The following OR9Q2 variants were observed in gnomAD, a reference collection of about 807,000 sequenced individuals.
The protein encoded by OR9Q2 is olfactory receptor family 9 subfamily Q member 2, also known as olfactory receptor 9Q2.
Under a neutral mutation model 2.3 loss-of-function variants are expected in OR9Q2, and 2 were observed. The observed-to-expected ratio is 0.85, with a 90% CI of 0.35 to 2.68. The LOEUF is 2.68. Among genes scored for constraint, OR9Q2 ranks in the 30% most tolerant of loss-of-function variants. OR9Q2 has a pLI of 0.10. For synonymous variants in OR9Q2, 178 were observed against 158.6 expected, an observed-to-expected ratio of 1.12 and a Z score of -0.92; for missense variants, 404 against 395.7, an observed-to-expected ratio of 1.02 and a Z score of -0.18.
chr11:58,191,136 G>A lies in OR9Q2; in HGVS notation c.646G>A (p.Val216Ile). ...VMPACILVIL[V>I]SYLFIIVAIL... ...GCCTGCCTGTATCTTGGTGATCTTG[G>A]TATCCTACCTGTTTATCATTGTGGC... The change falls in exon 2 of 2, where the codon GTA becomes ATA. Residue 216 changes from valine (V) to isoleucine (I), a missense_variant. Physicochemically the swap from Val to Ile is conservative, Grantham distance 29 (BLOSUM62 3). Transcript: ENST00000641291. The A allele has an allele frequency of 6.2e-7, 1 of 1,614,088 alleles. No individual in the cohort carries two copies. The highest frequency in any genetic ancestry group is 8.5e-7 in the Non-Finnish European group (1 of 1,180,020).
rs765115630 is a variant in OR9Q2, at chr11:58,190,442, C to A, written c.-49C>A. ...ATCATTTGAACTCCTCTTGAGCTGTCCCCTCATCTGGCTCTTGTCTTAGCC... is the reference window on the plus strand; with the variant it reads ...ATCATTTGAACTCCTCTTGAGCTGTACCCTCATCTGGCTCTTGTCTTAGCC... On this transcript the variant is annotated 5_prime_UTR_variant, in exon 2 of 2. Coordinates refer to ENST00000641291, the MANE Select transcript of OR9Q2 (RefSeq NM_001005283.3). 5.5e-6 allele frequency: 7 copies of A among 1,277,046 alleles called. No homozygotes were observed. The highest frequency in any genetic ancestry group is 3.5e-5 in the Admixed American group (2 of 57,030). 79.1% of individuals were successfully genotyped at this position (1,277,046 alleles called of 1,614,324 possible).
In OR9Q2 at chr11:58,192,492, G is replaced by T. The variant is rs145681185; in HGVS notation, c.*1057G>T. On this transcript the variant is annotated 3_prime_UTR_variant, in exon 2 of 2. Transcript: ENST00000641291. ...TTTATCTGGTGAAGAAAAGGTAAAAGTCCAATCTGTTGGTGTAGATGGCAG... is the reference window on the plus strand; with the variant it reads ...TTTATCTGGTGAAGAAAAGGTAAAATTCCAATCTGTTGGTGTAGATGGCAG... 1.3e-5 allele frequency: 2 copies of T among 152,254 alleles called. No homozygotes were observed. Among genetic ancestry groups the T allele is most frequent in the Non-Finnish European group, 2.9e-5 (2 of 68,006 alleles). 9.4% of individuals were successfully genotyped at this position (152,254 alleles called of 1,614,324 possible).
intron 1 of OR9Q2, 132 bp downstream of exon 1, chr11:58,189,240 G>A (rs1854735651): frequency 6.6e-6 from 1 of 152,198 alleles, no homozygotes; most frequent in Admixed American, 6.5e-5. Context: ...CATCTCATCA[G>A]GTTGCTATGA....
rs578125768 is a variant in OR9Q2, at chr11:58,190,278, C to G, written c.-172-41C>G. ...AGGAATCACTTGCTCTCTGTTCTTT[C>G]TATAATAGAAGCATTCATCACTTTT... On this transcript the variant is annotated intron_variant, in intron 1 of 1. Transcript: ENST00000641291. 78 of 535,336 alleles carry G rather than the reference C, an allele frequency of 1.5e-4. 1 individual carries two copies. In the East Asian group the frequency reaches 2.0e-3, roughly 14 times the overall value. 33.2% of individuals were successfully genotyped at this position (535,336 alleles called of 1,614,324 possible).
At position 58,193,602 on chromosome 11, in the gene OR9Q2, G is replaced by A. The variant is rs1269527357; in HGVS notation, c.*2167G>A. ...AAGTACATACTCTTATCTGATAACT[G>A]CCCTTCTGCACTCTTTCTTCTCCTT... is the stretch of plus-strand genomic sequence containing the variant. On this transcript the variant is annotated 3_prime_UTR_variant, in exon 2 of 2. Coordinates refer to ENST00000641291, the MANE Select transcript of OR9Q2 (RefSeq NM_001005283.3). 6.6e-6 allele frequency: 1 copy of A among 152,152 alleles called. No individual in the cohort carries two copies. The allele number at this position is 152,152 out of a possible 1,614,324, so 9.4% of individuals were successfully genotyped here. A position where few individuals can be genotyped will look rare whatever the true frequency, so the allele number is the denominator to read the frequency against.
At position 58,191,664 on chromosome 11, in the gene OR9Q2, A is replaced by T. The variant is rs1854766385; in HGVS notation, c.*229A>T. 2.6e-6 allele frequency: 1 copy of T among 386,900 alleles called. No homozygotes were observed. The highest frequency in any genetic ancestry group is 2.0e-5 in the African/African-American group (1 of 49,750). 24.0% of individuals were successfully genotyped at this position (386,900 alleles called of 1,614,324 possible). A position where few individuals can be genotyped will look rare whatever the true frequency, so the allele number is the denominator to read the frequency against. ...TGCTCACAACTAGAAAGTAAGCAAC[A>T]TGAGAGCAAATACTTTTTTATCTGA... On this transcript the variant is annotated 3_prime_UTR_variant, in exon 2 of 2. Coordinates refer to ENST00000641291, the MANE Select transcript of OR9Q2 (RefSeq NM_001005283.3).
Position 58,192,715 on chromosome 11 carries a change from G to T in OR9Q2, c.*1280G>T, listed in dbSNP as rs1441676421. 6.6e-6 allele frequency: 1 copy of T among 152,090 alleles called. No individual in the cohort carries two copies. The highest frequency in any genetic ancestry group is 1.5e-5 in the Non-Finnish European group (1 of 68,018). The allele number at this position is 152,090 out of a possible 1,614,324, so 9.4% of individuals were successfully genotyped here. A position where few individuals can be genotyped will look rare whatever the true frequency, so the allele number is the denominator to read the frequency against. ...AGATGGCTGGGCATATTTAGGAAAA[G>T]GTATAGGGAAAAAATGAACACCTAT... On this transcript the variant is annotated 3_prime_UTR_variant, in exon 2 of 2. Transcript: ENST00000641291.
chr11:58,190,931 G>T lies in OR9Q2; in HGVS notation c.441G>T (p.Gly147=). The T allele has an allele frequency of 6.2e-7, 1 of 1,614,182 alleles. No individual in the cohort carries two copies. Among genetic ancestry groups the T allele is most frequent in the Non-Finnish European group, 8.5e-7 (1 of 1,180,032 alleles). Residue 147 remains glycine (G), a synonymous_variant, in exon 2 of 2, where the codon GGG becomes GGT. Transcript: ENST00000641291. The stretch of plus-strand genomic sequence containing the variant: ...AGGCCCGCTGGGGCCTAGTCACTGG[G>T]GCTTACGTTGCTGGTTTTTTCAGTG... ...TEKARWGLVT[G]AYVAGFFSAF...
In OR9Q2 at chr11:58,190,768, C is replaced by G. The variant is rs1429475579; in HGVS notation, c.278C>G (p.Ser93Cys). ...CTGTGGGAGCACGGCACAACCATCT[C>G]CCAGGCTCGCTGTGCAGCTCAGTTC... ...AVLWEHGTTI[S>C]QARCAAQFFL... Residue 93 changes from serine (S) to cysteine (C), a missense_variant, in exon 2 of 2, where the codon TCC becomes TGC. Physicochemically the swap from Ser to Cys is moderately radical, Grantham distance 112 (BLOSUM62 -1). Transcript: ENST00000641291. 1 of 1,614,230 alleles carries G rather than the reference C, an allele frequency of 6.2e-7. No individual in the cohort carries two copies. Among genetic ancestry groups the G allele is most frequent in the Non-Finnish European group, 8.5e-7 (1 of 1,180,040 alleles).
chr11:58,190,607 G>T lies in OR9Q2; in HGVS notation c.117G>T (p.Met39Ile), dbSNP rs1365235498. Residue 39 changes from methionine (M) to isoleucine (I), a missense_variant, in exon 2 of 2, where the codon ATG (methionine) becomes ATT (isoleucine). Transcript: ENST00000641291. Reference protein sequence around the residue: ...LIFLSFYLATMLGNTGMILLI... With the variant: ...LIFLSFYLATILGNTGMILLI... ...TTTTGAGTTTCTATCTTGCCACTAT[G>T]TTAGGGAACACAGGCATGATCCTCC... 11 of 1,614,180 alleles carry T rather than the reference G, an allele frequency of 6.8e-6. No individual in the cohort carries two copies. The highest frequency in any genetic ancestry group is 6.8e-6 in the Non-Finnish European group (8 of 1,180,036).
rs563865653 is a variant in OR9Q2, at chr11:58,193,026, A to G, written c.*1591A>G. On this transcript the variant is annotated 3_prime_UTR_variant, in exon 2 of 2. Transcript: ENST00000641291. ...GCCTGCTTCTCCTCTGTGAAATAAT[A>G]CTTACTAAGCACTTACTCTGGGACA... The G allele has an allele frequency of 6.0e-4, 92 of 152,344 alleles. No individual in the cohort carries two copies. The highest frequency in any genetic ancestry group is 2.1e-3 in the African/African-American group (88 of 41,574). 9.4% of individuals were successfully genotyped at this position (152,344 alleles called of 1,614,324 possible). A position where few individuals can be genotyped will look rare whatever the true frequency, so the allele number is the denominator to read the frequency against.
rs1348519370 is a variant in OR9Q2 at position 58,191,259 on chromosome 11, T to C, written c.769T>C (p.Phe257Leu). ...AVALFFGTLI[F>L]MYLRDNTGQS... ...CGCTCTTTTCTTTGGCACCCTCATC[T>C]TCATGTACCTGCGAGACAACACAGG... The change falls in exon 2 of 2, where the codon TTC (phenylalanine) becomes CTC (leucine). Residue 257 changes from phenylalanine to leucine, a missense_variant. Phe to Leu is a conservative substitution (Grantham distance 22). Coordinates refer to ENST00000641291, the MANE Select transcript of OR9Q2 (RefSeq NM_001005283.3). 6.2e-7 allele frequency: 1 copy of C among 1,614,114 alleles called. No homozygotes were observed. The highest frequency in any genetic ancestry group is 1.7e-5 in the Admixed American group (1 of 60,014).
chr11:58,190,292 T>A, intron 1 of OR9Q2, 27 bp from the exon 2 acceptor site: 1 of 553,054 alleles, frequency 1.8e-6, no homozygotes, highest in Non-Finnish European at 3.2e-6. Flanking sequence ...AATAGAAGCA[T>A]TCATCACTTT....
Position 58,191,451 on chromosome 11 carries a change from A to T in OR9Q2, c.*16A>T, listed in dbSNP as rs777851705. On this transcript the variant is annotated 3_prime_UTR_variant, in exon 2 of 2. Coordinates refer to ENST00000641291, the MANE Select transcript of OR9Q2 (RefSeq NM_001005283.3). ...AAGACCCTAAATGGACCCTTGTGAA[A>T]TATATCATTCCTTAGTTTCCCCATC... The T allele has an allele frequency of 6.7e-7, 1 of 1,497,134 alleles. No homozygotes were observed. The highest frequency in any genetic ancestry group is 1.2e-5 in the South Asian group (1 of 80,172). The allele number at this position is 1,497,134 out of a possible 1,614,324, so 92.7% of individuals were successfully genotyped here.
At position 58,191,631 on chromosome 11, in the gene OR9Q2, T is replaced by C. The variant is rs1590633732; in HGVS notation, c.*196T>C. On this transcript the variant is annotated 3_prime_UTR_variant, in exon 2 of 2. Coordinates refer to ENST00000641291, the MANE Select transcript of OR9Q2 (RefSeq NM_001005283.3). ...TATTAGATGTTATATGTGTTTGACA[T>C]TTTCTAATGCTCACAACTAGAAAGT... 1 of 465,936 alleles carries C rather than the reference T, an allele frequency of 2.1e-6. No homozygotes were observed. The highest frequency in any genetic ancestry group is 3.7e-5 in the Admixed American group (1 of 27,310). 28.9% of individuals were successfully genotyped at this position (465,936 alleles called of 1,614,324 possible).
chr11:58,189,255 GGGGTTATCTGCAATTTTAT>G (rs1325455295), intron 1 of OR9Q2, 147 bp downstream of exon 1: 2 of 152,198 alleles, frequency 1.3e-5, no homozygotes, highest in Non-Finnish European at 2.9e-5. Context: ...CTATGATTAT[GGGGTTATCTGCAATTTTAT>G]TTACGGAAAG....
At chr11:58,190,199 A>G (rs919595532) in intron 1 of OR9Q2, 120 bp from the exon 2 acceptor site, 2 of 379,164 alleles carry the variant, frequency 5.3e-6, no homozygotes, top group Non-Finnish European at 9.5e-6. Context: ...CTTGTGTAAG[A>G]TCAAACAGCT....
At chr11:58,189,553 G>C (rs532924988) in intron 1 of OR9Q2, among the ~76,000 whole-genome samples, 50 of 152,252 alleles carry the variant, frequency 3.3e-4, no homozygotes, top group African/African-American at 1.2e-3. Flanking sequence ...TGGTACAACA[G>C]GTACTCAAAC....
At position 58,191,374 on chromosome 11, in the gene OR9Q2, A is replaced by G. The variant is rs904149485; in HGVS notation, c.884A>G (p.Lys295Arg). The G allele has an allele frequency of 6.2e-7, 1 of 1,613,910 alleles. No homozygotes were observed. Among genetic ancestry groups the G allele is most frequent in the Non-Finnish European group, 8.5e-7 (1 of 1,179,916 alleles). Reference sequence around the variant, plus strand: ...CCCCTTATCTATAGCCTGAGAAACAAGGAGGTAAAAGAGGCCACTAGGAAA... The same window carrying G: ...CCCCTTATCTATAGCCTGAGAAACAGGGAGGTAAAAGAGGCCACTAGGAAA... ...LNPLIYSLRN[K>R]EVKEATRKAL... The change falls in exon 2 of 2, where the codon AAG becomes AGG. Residue 295 changes from lysine to arginine, a missense_variant. Lys to Arg is a conservative substitution (Grantham distance 26). Transcript: ENST00000641291.
Sources: allele counts gnomAD v4.1 joint callset (sites outside exome capture counted in the v4.1 genomes callset), GRCh38; gene constraint gnomAD v4.1.1; transcripts MANE v1.5; gene names NCBI Gene and HGNC (gene_info 2026-07-23, HGNC 2026-07-21).